ZBTB20: variants seen among roughly 807,000 people sequenced by gnomAD.
ZBTB20 encodes the protein zinc finger and BTB domain containing 20.
In ZBTB20, 9 loss-of-function variants were observed where a neutral mutation model predicts 56.9. The ratio of observed to expected loss-of-function variants is 0.16; its 90% CI spans 0.10 to 0.28. The LOEUF (loss-of-function observed/expected upper bound fraction) is 0.28. Ranked by LOEUF, ZBTB20 falls within the 10% of genes least tolerant of loss-of-function variation. The probability of loss-of-function intolerance (pLI) is 1.00; values close to 1 mark genes in which losing one functional copy is unlikely to be tolerated. For missense variants in ZBTB20, 655 were observed against 1,003.0 expected (o/e 0.65, Z 4.69); for synonymous variants, 417 against 420.7 (o/e 0.99, Z 0.11).
rs182774658 is a variant in ZBTB20 at position 114,843,689 on chromosome 3, T to A, written c.-416-42515A>T. Among the ~76,000 whole-genome samples, 711 of 151,942 alleles carry A rather than the reference T, an allele frequency of 4.7e-3. 2 individuals are homozygous for A. The highest frequency in any genetic ancestry group is 0.016 in the South Asian group (75 of 4,804). ...CAGCCAAGCATATATATATATATTT[T>A]TTTTTGAGACGGAGTCTCACTCTGT... On this transcript the variant is annotated intron_variant, in intron 4 of 11. Transcript: ENST00000675478.
At chr3:115,059,639 T>G (rs1281018256) in intron 2 of ZBTB20, among the ~76,000 whole-genome samples, 1 of 152,192 alleles carries the variant, frequency 6.6e-6, no homozygotes, top group African/African-American at 2.4e-5. Context: ...GTTCCTTGTC[T>G]GCATATCTCC....
intron 6 of ZBTB20, among the ~76,000 whole-genome samples, chr3:114,525,444 A>G (rs2047111531): frequency 2.0e-5 from 3 of 152,028 alleles, no homozygotes; most frequent in South Asian, 2.1e-4. Context: ...ATTTCTATTC[A>G]GATGATTTCA....
At chr3:115,006,460 G>GATATATATATATATATATATATATAT (rs142153634) in intron 2 of ZBTB20, among the ~76,000 whole-genome samples, 19 of 144,368 alleles carry the variant, frequency 1.3e-4, no homozygotes, top group African/African-American at 4.6e-4. Flanking sequence ...TATCCAGTTG[G>GATATATATATATATATATATATATAT]ATATATATAT....
At chr3:114,865,462 G>A (rs986666210) in intron 4 of ZBTB20, among the ~76,000 whole-genome samples, 1 of 151,990 alleles carries the variant, frequency 6.6e-6, no homozygotes, top group Non-Finnish European at 1.5e-5. Context: ...TATTAAACGG[G>A]CAAGATAGAG....
chr3:114,777,172 A>C (rs1275819512), intron 5 of ZBTB20, among the ~76,000 whole-genome samples: 1 of 152,194 alleles, frequency 6.6e-6, no homozygotes, highest in African/African-American at 2.4e-5. Flanking sequence ...TTTAAGGTTT[A>C]ACCCAAAGAT....
At chr3:114,968,316 T>C (rs530479670) in intron 3 of ZBTB20, among the ~76,000 whole-genome samples, 15 of 152,332 alleles carry the variant, frequency 9.8e-5, no homozygotes, top group African/African-American at 3.4e-4. Context: ...CCTTATAATT[T>C]ACAGTTTGAG....
intron 6 of ZBTB20, among the ~76,000 whole-genome samples, chr3:114,571,673 G>T (rs1708398795): frequency 6.6e-6 from 1 of 152,126 alleles, no homozygotes; most frequent in African/African-American, 2.4e-5. Context: ...ATGGAGTCAT[G>T]ATGGCAGGGT....
intron 11 of ZBTB20, among the ~76,000 whole-genome samples, chr3:114,350,032 TGGACATCCCTA>T (rs1348372548): frequency 6.6e-6 from 1 of 152,140 alleles, no homozygotes; most frequent in Non-Finnish European, 1.5e-5. Flanking sequence ...TTCTGCAGTC[TGGACATCCCTA>T]GGACATCCCT....
intron 1 of ZBTB20, among the ~76,000 whole-genome samples, chr3:115,078,613 G>GTATATATA (rs3086037): frequency 1.3e-4 from 18 of 137,818 alleles, no homozygotes; most frequent in Non-Finnish European, 2.6e-4. Flanking sequence ...GTGTGTGTGT[G>GTATATATA]TATATATATA....
chr3:114,990,437 A>G (rs1286247589), intron 2 of ZBTB20, among the ~76,000 whole-genome samples: 1 of 152,126 alleles, frequency 6.6e-6, no homozygotes, highest in African/African-American at 2.4e-5. Context: ...CCAGCCTTGC[A>G]TCTCAGGGAT....
chr3:114,689,861 A>G (rs1043852630), intron 6 of ZBTB20, among the ~76,000 whole-genome samples: 5 of 152,274 alleles, frequency 3.3e-5, no homozygotes, highest in Non-Finnish European at 7.4e-5. Flanking sequence ...AAAATAGTAT[A>G]ATGGCTAGTT....
chr3:114,748,476 C>T (rs1405704227), intron 5 of ZBTB20, among the ~76,000 whole-genome samples: 1 of 151,232 alleles, frequency 6.6e-6, no homozygotes, highest in East Asian at 2.0e-4. Flanking sequence ...GAAATTTTCA[C>T]GAGATCCTTT....
At chr3:115,121,880 G>A (rs1315111378) in intron 1 of ZBTB20, among the ~76,000 whole-genome samples, 1 of 151,858 alleles carries the variant, frequency 6.6e-6, no homozygotes, top group Non-Finnish European at 1.5e-5. Flanking sequence ...TATTTCCCTT[G>A]AAGTCTGTGT....
intron 2 of ZBTB20, among the ~76,000 whole-genome samples, chr3:115,008,708 T>G (rs2079573409): frequency 6.6e-6 from 1 of 151,938 alleles, no homozygotes; most frequent in African/African-American, 2.4e-5. Flanking sequence ...TAGAAGTAAC[T>G]TACTCCTCCC....
In ZBTB20 at chr3:114,875,943, T is replaced by C. The variant is rs555014191; in HGVS notation, c.-417+24361A>G. On this transcript the variant is annotated intron_variant, in intron 4 of 11. Transcript: ENST00000675478. ...GGACAATATTATACATTATGAATAA[T>C]AAATTTTAGGCTCAGTGCAGTGGCT... 2.6e-5 allele frequency among the ~76,000 whole-genome samples: 4 copies of C among 152,240 alleles called. No individual in the cohort carries two copies. In the East Asian group the frequency reaches 5.8e-4, roughly 22 times the overall value.
At chr3:114,475,383 T>C (rs767452955) in intron 7 of ZBTB20, among the ~76,000 whole-genome samples, 2 of 152,208 alleles carry the variant, frequency 1.3e-5, no homozygotes, top group South Asian at 2.1e-4. Flanking sequence ...TAGACACATG[T>C]CTCAGCTCCG....
rs531562124 is a variant in ZBTB20 at position 114,319,920 on chromosome 3, A to G, written c.*19085T>C. Reference sequence around the variant, plus strand: ...TTTTTTCTCAAAAGGGAGCTCAAGCATAAGTTAAAAGGTGATGTGGAAATC... The same window carrying G: ...TTTTTTCTCAAAAGGGAGCTCAAGCGTAAGTTAAAAGGTGATGTGGAAATC... On this transcript the variant is annotated 3_prime_UTR_variant, in exon 12 of 12. Transcript: ENST00000675478. 2.0e-5 allele frequency: 3 copies of G among 152,266 alleles called. No homozygotes were observed. In the East Asian group the frequency reaches 5.8e-4, roughly 29 times the overall value. 9.4% of individuals were successfully genotyped at this position (152,266 alleles called of 1,614,324 possible). A position where few individuals can be genotyped will look rare whatever the true frequency, so the allele number is the denominator to read the frequency against.
intron 1 of ZBTB20, among the ~76,000 whole-genome samples, chr3:115,081,413 G>C (rs1560556444): frequency 6.6e-6 from 1 of 152,082 alleles, no homozygotes; most frequent in Non-Finnish European, 1.5e-5. Context: ...TCATATCTAA[G>C]ACTTTTCCTT....
In ZBTB20 at chr3:114,339,106, A is replaced by C. The variant is rs769978126; in HGVS notation, c.2125T>G (p.Cys709Gly). The change falls in exon 12 of 12, where the codon TGC (cysteine) becomes GGC (glycine). Residue 709 changes from cysteine to glycine, a missense_variant. Transcript: ENST00000675478. This position sits in a 1 kb window ranked among gnomAD's most constrained non-coding sequence, Gnocchi z 4.2. ...ARAGPPGVVA[C>G]TEGTTYVCSV... Reference sequence around the variant, plus strand: ...CAGACGTAAGTGGTCCCCTCCGTGCAGGCCACCACGCCTGGGGGGCCAGCG... The same window carrying C: ...CAGACGTAAGTGGTCCCCTCCGTGCCGGCCACCACGCCTGGGGGGCCAGCG... 2 of 1,605,738 alleles carry C rather than the reference A, an allele frequency of 1.2e-6. No homozygotes were observed. Among genetic ancestry groups the C allele is most frequent in the South Asian group, 2.2e-5 (2 of 89,816 alleles).
Sources: gnomAD v4.1 joint callset for allele counts (sites outside exome capture counted in the v4.1 genomes callset) on GRCh38, gnomAD v4.1.1 for gene constraint, Gnocchi (gnomAD v3.1) non-coding constraint, MANE v1.5 for transcripts, NCBI Gene and HGNC (gene_info 2026-07-23, HGNC 2026-07-21) for gene names.